Variants in WIPF3 observed in about 807,000 individuals in gnomAD.
WIPF3 encodes WAS/WASL-interacting protein family member 3.
Under a neutral mutation model 38.9 loss-of-function variants are expected in WIPF3, and 33 were observed. The ratio of observed to expected loss-of-function variants is 0.85; its 90% CI spans 0.64 to 1.14. WIPF3 has a LOEUF of 1.14. WIPF3 is among the 50% of genes most tolerant of loss of function. The pLI is 0.00. For synonymous variants in WIPF3, 324 were observed against 269.3 expected (o/e 1.20, Z -1.99); for missense variants, 711 against 652.5 (o/e 1.09, Z -0.98).
At chr7:29,860,628 CACAA>C (rs768414196) in intron 2 of WIPF3, among the ~76,000 whole-genome samples, 209 of 152,240 alleles carry the variant, frequency 1.4e-3, no homozygotes, top group Non-Finnish European at 1.9e-3. Flanking sequence ...TTTATAGCAA[CACAA>C]ACAGACTAAG....
Position 29,888,510 on chromosome 7 carries a change from C to CGTGTGTGT in WIPF3, c.1249+310_1249+317dup, listed in dbSNP as rs1295673715. Among the ~76,000 whole-genome samples the CGTGTGTGT allele has an allele frequency of 9.4e-3, 1,387 of 147,896 alleles. 17 individuals carry two copies. The highest frequency in any genetic ancestry group is 0.028 in the African/African-American group (1,111 of 40,090). ...GTGTGTGTGCGTGTGCGTGTGTGTG[C>CGTGTGTGT]GTGTGTGTGTGTGTGTGTGTGTGTC... is the stretch of plus-strand genomic sequence containing the variant. On this transcript the variant is annotated intron_variant, in intron 6 of 8. Transcript: ENST00000242140.
chr7:29,834,858 G>C, intron 2 of WIPF3, 44 bp downstream of exon 2: 1 of 1,507,728 alleles, frequency 6.6e-7, no homozygotes, highest in Non-Finnish European at 8.9e-7. Flanking sequence ...AGCATAAACT[G>C]CTTGAATACA....
chr7:29,835,090 C>T (rs892498235), intron 2 of WIPF3, among the ~76,000 whole-genome samples: 13 of 151,802 alleles, frequency 8.6e-5, no homozygotes, highest in South Asian at 2.1e-4. Context: ...GGTACAGGCT[C>T]GCGAGTCTGA....
intron 1 of WIPF3, among the ~76,000 whole-genome samples, chr7:29,828,156 G>A (rs1287174425): frequency 1.3e-5 from 2 of 152,078 alleles, no homozygotes. Flanking sequence ...AAAAACATAA[G>A]CACACTTTCT....
In WIPF3 at chr7:29,872,798, C is replaced by CAAAAAAAA. The variant is rs61693654; in HGVS notation, c.91-3013_91-3006dup. ...TGGGCGACAGAGTGAGACTCCATCT[C>CAAAAAAAA]AAAAAAAAAAAAAAAAAAAAAAAAA... On this transcript the variant is annotated intron_variant, in intron 2 of 8. Transcript: ENST00000242140. 5.5e-4 allele frequency among the ~76,000 whole-genome samples: 17 copies of CAAAAAAAA among 31,044 alleles called. 4 individuals carry two copies. The highest frequency in any genetic ancestry group is 8.2e-4 in the African/African-American group (6 of 7,318). The allele number at this position is 31,044 out of a possible 152,430, so 20.4% of individuals were successfully genotyped here. A position where few individuals can be genotyped will look rare whatever the true frequency, so the allele number is the denominator to read the frequency against.
Position 29,815,335 on chromosome 7 carries a change from T to C in WIPF3, c.-58+8657T>C, listed in dbSNP as rs568139293. Among the ~76,000 whole-genome samples the C allele has an allele frequency of 1.1e-3, 166 of 152,354 alleles. 1 individual carries two copies. The highest frequency in any genetic ancestry group is 3.8e-3 in the African/African-American group (156 of 41,582). ...TTAAAAGCTTTTGCTCGACTCTTTGTTGCTGTTGTTCTGGTTTTCACCCAA... is the reference window on the plus strand; with the variant it reads ...TTAAAAGCTTTTGCTCGACTCTTTGCTGCTGTTGTTCTGGTTTTCACCCAA... On this transcript the variant is annotated intron_variant, in intron 1 of 8. Coordinates refer to ENST00000242140, the MANE Select transcript of WIPF3 (RefSeq NM_001080529.3).
intron 1 of WIPF3, among the ~76,000 whole-genome samples, chr7:29,808,308 A>G (rs1179399423): frequency 6.6e-6 from 1 of 152,278 alleles, no homozygotes; most frequent in African/African-American, 2.4e-5. Context: ...GGCAAAAGAA[A>G]GTTAAGAAGT....
At chr7:29,822,842 G>A (rs1289049771) in intron 1 of WIPF3, among the ~76,000 whole-genome samples, 5 of 152,126 alleles carry the variant, frequency 3.3e-5, no homozygotes, top group South Asian at 2.1e-4. Flanking sequence ...TATTTTTACC[G>A]TCTTAAAACC....
chr7:29,833,813 G>GT (rs1309979046), intron 1 of WIPF3, among the ~76,000 whole-genome samples: 1 of 152,126 alleles, frequency 6.6e-6, no homozygotes, highest in Non-Finnish European at 1.5e-5. Flanking sequence ...TCTTATATAG[G>GT]TTTTTCCAAT....
intron 6 of WIPF3, 40 bp downstream of exon 6, chr7:29,888,257 G>A: frequency 1.9e-6 from 3 of 1,571,764 alleles, no homozygotes; most frequent in Non-Finnish European, 2.6e-6. Context: ...GCTGCCAGTA[G>A]GAAAGTGATT....
At chr7:29,836,946 G>A (rs1202925008) in intron 2 of WIPF3, among the ~76,000 whole-genome samples, 1 of 151,408 alleles carries the variant, frequency 6.6e-6, no homozygotes, top group African/African-American at 2.4e-5. Flanking sequence ...AGCCAACATC[G>A]CACCACTGCA....
chr7:29,886,546 A>G (rs1323256998), intron 5 of WIPF3, among the ~76,000 whole-genome samples: 1 of 151,810 alleles, frequency 6.6e-6, no homozygotes, highest in Non-Finnish European at 1.5e-5. Flanking sequence ...TAGTAGAGAC[A>G]GGGTTTCCCC....
chr7:29,910,348 C>T lies in WIPF3; in HGVS notation c.1429-4145C>T, dbSNP rs149668184. On this transcript the variant is annotated intron_variant, in intron 8 of 8. Coordinates refer to ENST00000242140, the MANE Select transcript of WIPF3 (RefSeq NM_001080529.3). ...GGCTTCACTGGTGAATTCTGCCAAACGTTCAAAGAACTAACCCAATCCCTC... is the reference window on the plus strand; with the variant it reads ...GGCTTCACTGGTGAATTCTGCCAAATGTTCAAAGAACTAACCCAATCCCTC... Among the ~76,000 whole-genome samples, 1,176 of 152,246 alleles carry T rather than the reference C, an allele frequency of 7.7e-3. 72 individuals carry two copies. Among genetic ancestry groups the T allele is most frequent in the Admixed American group, 0.07 (1,069 of 15,284 alleles).
rs367797283 is a variant in WIPF3 at position 29,884,379 on chromosome 7, G to T, written c.885G>T (p.Pro295=). The change falls in exon 5 of 9, where the codon CCG becomes CCT. Residue 295 remains proline, a synonymous_variant. Coordinates refer to ENST00000242140, the MANE Select transcript of WIPF3 (RefSeq NM_001080529.3). ...AGGAGCCTCCCGCCCCGCCGCCCCC[G>T]CTCCCCCCTTATGCTTCTTGCTCCC... ...DAQEPPAPPP[P]LPPYASCSPR... 4,359 of 288,664 alleles carry T rather than the reference G, an allele frequency of 0.015. 17 individuals are homozygous for T. Among genetic ancestry groups the T allele is most frequent in the Admixed American group, 0.032 (129 of 4,056 alleles). The allele number at this position is 288,664 out of a possible 1,614,324, so 17.9% of individuals were successfully genotyped here.
intron 2 of WIPF3, 46 bp downstream of exon 2, chr7:29,834,860 T>C: frequency 6.7e-7 from 1 of 1,502,450 alleles, no homozygotes. Context: ...CATAAACTGC[T>C]TGAATACACT....
intron 5 of WIPF3, 130 bp downstream of exon 5, chr7:29,884,723 C>A: frequency 7.4e-7 from 1 of 1,347,274 alleles, no homozygotes; most frequent in Non-Finnish European, 9.8e-7. Flanking sequence ...GAGAGACTTG[C>A]CCAAAATCAT....
At chr7:29,847,949 G>C (rs1228741185) in intron 2 of WIPF3, among the ~76,000 whole-genome samples, 2 of 152,182 alleles carry the variant, frequency 1.3e-5, no homozygotes, top group African/African-American at 2.4e-5. Flanking sequence ...TTTTGCCTCT[G>C]AGGCTACTTC....
At chr7:29,855,287 C>T (rs978352788) in intron 2 of WIPF3, among the ~76,000 whole-genome samples, 1 of 152,158 alleles carries the variant, frequency 6.6e-6, no homozygotes, top group East Asian at 1.9e-4. Flanking sequence ...TTGTTTTGGT[C>T]GTACTTGCTT....
Position 29,844,606 on chromosome 7 carries a change from G to A in WIPF3, c.90+9792G>A, listed in dbSNP as rs183273868. Reference sequence around the variant, plus strand: ...TTTCTGGCCATTGAGCCTAACTGCCGTGTGCCCCACTGCCTCCAGCTGCGT... The same window carrying A: ...TTTCTGGCCATTGAGCCTAACTGCCATGTGCCCCACTGCCTCCAGCTGCGT... On this transcript the variant is annotated intron_variant, in intron 2 of 8. Transcript: ENST00000242140. The surrounding 1 kb of genome is among the most constrained non-coding windows in gnomAD (Gnocchi z 4.8). 8.5e-5 allele frequency among the ~76,000 whole-genome samples: 13 copies of A among 152,310 alleles called. No individual in the cohort carries two copies. Among genetic ancestry groups the A allele is most frequent in the African/African-American group, 2.4e-4 (10 of 41,578 alleles).
Sources: gnomAD v4.1 joint callset for allele counts (sites outside exome capture counted in the v4.1 genomes callset) on GRCh38, gnomAD v4.1.1 for gene constraint, Gnocchi (gnomAD v3.1) non-coding constraint, MANE v1.5 for transcripts, NCBI Gene and HGNC (gene_info 2026-07-23, HGNC 2026-07-21) for gene names.